EXOC6B: variants seen among roughly 807,000 people sequenced by gnomAD.
The protein encoded by EXOC6B is exocyst complex component 6B, also known as SEC15 homolog B.
Under a neutral mutation model 113.5 loss-of-function variants are expected in EXOC6B, and 54 were observed. That is an observed-to-expected ratio of 0.48 (90% CI 0.38 to 0.60). The LOEUF (loss-of-function observed/expected upper bound fraction) is 0.60, where lower values mean the gene tolerates loss of function less well. Ranked by LOEUF, EXOC6B falls within the 20% of genes least tolerant of loss-of-function variation. The pLI, the probability that EXOC6B is intolerant of heterozygous loss-of-function variation, is 0.00. For missense variants in EXOC6B, 797 were observed against 977.5 expected, an observed-to-expected ratio of 0.82 and a Z score of 2.46; for synonymous variants, 357 against 339.0, an observed-to-expected ratio of 1.05 and a Z score of -0.58.
chr2:72,717,625 T>C (rs1306336631), intron 6 of EXOC6B, among the ~76,000 whole-genome samples: 3 of 152,188 alleles, frequency 2.0e-5, no homozygotes, highest in Admixed American at 2.0e-4. Context: ...TAATAAATCC[T>C]TTTCTTTGAT....
chr2:72,436,973 G>T (rs1330435240), intron 18 of EXOC6B, among the ~76,000 whole-genome samples: 1 of 152,168 alleles, frequency 6.6e-6, no homozygotes, highest in Non-Finnish European at 1.5e-5. Context: ...CTTTGGAGGA[G>T]AAGAGGCATT....
chr2:72,410,611 C>T (rs1045497595), intron 18 of EXOC6B, among the ~76,000 whole-genome samples: 3 of 152,164 alleles, frequency 2.0e-5, no homozygotes, highest in African/African-American at 7.2e-5. Flanking sequence ...ACTGAAAAAT[C>T]ACACACCACA....
At chr2:72,740,282 G>A (rs910209317) in intron 2 of EXOC6B, among the ~76,000 whole-genome samples, 1 of 151,880 alleles carries the variant, frequency 6.6e-6, no homozygotes, top group Non-Finnish European at 1.5e-5. Flanking sequence ...AATCCTTTTA[G>A]GATTCTAATT....
intron 18 of EXOC6B, among the ~76,000 whole-genome samples, chr2:72,450,386 AAGAC>A (rs1696838946): frequency 6.6e-6 from 1 of 152,234 alleles, no homozygotes; most frequent in Non-Finnish European, 1.5e-5. Flanking sequence ...AGGGACCTGA[AAGAC>A]AGAGGTCACA....
intron 20 of EXOC6B, among the ~76,000 whole-genome samples, chr2:72,265,165 C>T (rs1215788719): frequency 6.6e-6 from 1 of 151,922 alleles, no homozygotes; most frequent in Non-Finnish European, 1.5e-5. Flanking sequence ...ACAATGAAGT[C>T]CAGGCTGAGA....
At chr2:72,367,336 T>TTA (rs74424624) in intron 19 of EXOC6B, among the ~76,000 whole-genome samples, 2 of 151,030 alleles carry the variant, frequency 1.3e-5, no homozygotes, top group Non-Finnish European at 2.9e-5. Context: ...CTGATTAATC[T>TTA]AAAAAAAAGC....
chr2:72,733,068 T>TA lies in EXOC6B; in HGVS notation c.327+2dup. On this transcript the variant is annotated splice_region_variant and intron_variant, in intron 3 of 21. Coordinates refer to ENST00000272427, the MANE Select transcript of EXOC6B (RefSeq NM_015189.3). The stretch of plus-strand genomic sequence containing the variant: ...ATTTCTTCAAAAGGTAAACTGGTCT[T>TA]ACTTCCTTTCCCTCATGTTGTAGTT... 1 of 1,585,244 alleles carries TA rather than the reference T, an allele frequency of 6.3e-7. No individual in the cohort carries two copies. Among genetic ancestry groups the TA allele is most frequent in the Non-Finnish European group, 8.6e-7 (1 of 1,161,828 alleles).
chr2:72,799,122 C>T lies in EXOC6B; in HGVS notation c.113+26676G>A, dbSNP rs553040723. On this transcript the variant is annotated intron_variant, in intron 1 of 21. Transcript: ENST00000272427. ...GGGCATGGTAGCGCGCTCCTGTTGT[C>T]CCAGCTACTTGGGAGGCTGAGGCAG... 7.9e-5 allele frequency among the ~76,000 whole-genome samples: 12 copies of T among 151,542 alleles called. No homozygotes were observed. The South Asian group carries it at 2.5e-3, about 32-fold the overall frequency.
At chr2:72,527,735 G>C (rs1408474581) in intron 8 of EXOC6B, among the ~76,000 whole-genome samples, 1 of 151,890 alleles carries the variant, frequency 6.6e-6, no homozygotes, top group Non-Finnish European at 1.5e-5. Flanking sequence ...TATTCTTATA[G>C]CAGTGTAGTG....
At chr2:72,710,648 C>T (rs1395707793) in intron 6 of EXOC6B, among the ~76,000 whole-genome samples, 1 of 152,162 alleles carries the variant, frequency 6.6e-6, no homozygotes, top group Non-Finnish European at 1.5e-5. Context: ...AATACTTTTA[C>T]GTGGTGGTGA....
chr2:72,785,630 C>T (rs969959583), intron 1 of EXOC6B, among the ~76,000 whole-genome samples: 8 of 152,250 alleles, frequency 5.3e-5, no homozygotes, highest in African/African-American at 1.9e-4. Context: ...TACATTGGCC[C>T]CTTTCAACCA....
intron 18 of EXOC6B, among the ~76,000 whole-genome samples, chr2:72,451,277 T>C (rs532471874): frequency 6.6e-6 from 1 of 152,144 alleles, no homozygotes; most frequent in African/African-American, 2.4e-5. Flanking sequence ...GAGTATAGAG[T>C]TAGGGCCTGT....
At chr2:72,581,845 A>T (rs1226084760) in intron 6 of EXOC6B, among the ~76,000 whole-genome samples, 2 of 151,894 alleles carry the variant, frequency 1.3e-5, no homozygotes, top group Admixed American at 6.6e-5. Context: ...GCTGGGTCTG[A>T]CCCCTCCCAT....
At chr2:72,467,174 G>C (rs1449047767) in intron 17 of EXOC6B, among the ~76,000 whole-genome samples, 1 of 152,068 alleles carries the variant, frequency 6.6e-6, no homozygotes, top group Non-Finnish European at 1.5e-5. Flanking sequence ...TCCTTCTTTT[G>C]TAAGACTGTA....
rs559636646 is a variant in EXOC6B at position 72,421,745 on chromosome 2, G to A, written c.1981-41875C>T. ...TTTGGCGGCACTTGAGGAGCCCTTC[G>A]GCCCGCCGCTGCACTGTGGGAGCCC... is the stretch of plus-strand genomic sequence containing the variant. On this transcript the variant is annotated intron_variant, in intron 18 of 21. Coordinates refer to ENST00000272427, the MANE Select transcript of EXOC6B (RefSeq NM_015189.3). Among the ~76,000 whole-genome samples, 922 of 152,334 alleles carry A rather than the reference G, an allele frequency of 6.1e-3. 11 individuals are homozygous for A. Among genetic ancestry groups the A allele is most frequent in the African/African-American group, 0.02 (850 of 41,580 alleles).
chr2:72,189,860 C>CTTTCTT (rs1553462592), intron 20 of EXOC6B, among the ~76,000 whole-genome samples: 15 of 87,212 alleles, frequency 1.7e-4, no homozygotes, highest in African/African-American at 4.6e-4. Context: ...CCTTCTTCTT[C>CTTTCTT]TTTTTTTTTT....
chr2:72,621,791 T>A (rs1671763601), intron 6 of EXOC6B, among the ~76,000 whole-genome samples: 1 of 152,108 alleles, frequency 6.6e-6, no homozygotes, highest in Non-Finnish European at 1.5e-5. Flanking sequence ...GAATAATCAA[T>A]AAAATCATGT....
chr2:72,297,434 T>C (rs1176085525), intron 20 of EXOC6B, among the ~76,000 whole-genome samples: 1 of 152,166 alleles, frequency 6.6e-6, no homozygotes, highest in Non-Finnish European at 1.5e-5. Flanking sequence ...TGTGTCTGTG[T>C]GTTCCCATCA....
At chr2:72,811,717 C>A (rs2105130131) in intron 1 of EXOC6B, among the ~76,000 whole-genome samples, 1 of 152,188 alleles carries the variant, frequency 6.6e-6, no homozygotes, top group African/African-American at 2.4e-5. Flanking sequence ...GAAGTGTATA[C>A]AATGACCAAG....
Sources: allele counts gnomAD v4.1 joint callset (sites outside exome capture counted in the v4.1 genomes callset), GRCh38; gene constraint gnomAD v4.1.1; transcripts MANE v1.5; gene names NCBI Gene and HGNC (gene_info 2026-07-23, HGNC 2026-07-21).